Variants in DLG2 observed in about 807,000 individuals in gnomAD.
The protein encoded by DLG2 is disks large homolog 2.
DLG2 carries 45 observed loss-of-function variants against 132.5 expected under a neutral mutation model. The ratio of observed to expected loss-of-function variants is 0.34; its 90% CI spans 0.27 to 0.44. The LOEUF (loss-of-function observed/expected upper bound fraction) is 0.44, where lower values mean the gene tolerates loss of function less well. Among genes scored for constraint, DLG2 ranks in the 20% least tolerant of loss-of-function variants. The pLI, the probability that DLG2 is intolerant of heterozygous loss-of-function variation, is 1.00. For missense variants in DLG2, 1,045 were observed against 1,196.9 expected, an observed-to-expected ratio of 0.87 and a Z score of 1.87; for synonymous variants, 424 against 419.6, an observed-to-expected ratio of 1.01 and a Z score of -0.13.
At chr11:84,099,599 C>T (rs1199900956) in intron 9 of DLG2, among the ~76,000 whole-genome samples, 2 of 151,446 alleles carry the variant, frequency 1.3e-5, no homozygotes, top group African/African-American at 4.8e-5. Context: ...TACTTTTGAA[C>T]AATAAACAGG....
chr11:85,038,515 A>G (rs536414374), intron 6 of DLG2, among the ~76,000 whole-genome samples: 25 of 152,052 alleles, frequency 1.6e-4, no homozygotes, highest in Non-Finnish European at 3.1e-4. Context: ...AGAAGTGACA[A>G]TTAGGATTCA....
At chr11:83,931,314 C>G (rs2080171210) in intron 14 of DLG2, among the ~76,000 whole-genome samples, 2 of 152,154 alleles carry the variant, frequency 1.3e-5, no homozygotes, top group African/African-American at 4.8e-5. Flanking sequence ...ATCTAAACTG[C>G]CAGCACAGAA....
intron 8 of DLG2, among the ~76,000 whole-genome samples, chr11:84,178,607 T>C (rs772035585): frequency 5.3e-5 from 8 of 152,092 alleles, no homozygotes; most frequent in East Asian, 1.9e-4. Context: ...CACAAATCCA[T>C]TGGTGAAGGA....
intron 8 of DLG2, among the ~76,000 whole-genome samples, chr11:84,180,597 T>C (rs1178441773): frequency 6.6e-6 from 1 of 151,922 alleles, no homozygotes; most frequent in Non-Finnish European, 1.5e-5. Context: ...ATCCTCCTAC[T>C]CCCAATAACT....
chr11:85,045,677 C>G (rs1256208870), intron 6 of DLG2, among the ~76,000 whole-genome samples: 1 of 151,804 alleles, frequency 6.6e-6, no homozygotes, highest in Non-Finnish European at 1.5e-5. Context: ...TTTAAAAGAC[C>G]AAGTTTTCAA....
chr11:84,626,078 G>C (rs1238386855), intron 6 of DLG2, among the ~76,000 whole-genome samples: 1 of 152,178 alleles, frequency 6.6e-6, no homozygotes, highest in Non-Finnish European at 1.5e-5. Context: ...TTTGAGACTA[G>C]TTCGGGTGAT....
chr11:83,863,300 A>C (rs1303895429), intron 16 of DLG2, among the ~76,000 whole-genome samples: 1 of 152,154 alleles, frequency 6.6e-6, no homozygotes, highest in Non-Finnish European at 1.5e-5. Context: ...CTCTGCTCTG[A>C]AGAAATCAGT....
chr11:84,814,631 T>A (rs2076913398), intron 6 of DLG2, among the ~76,000 whole-genome samples: 1 of 152,078 alleles, frequency 6.6e-6, no homozygotes, highest in South Asian at 2.1e-4. Flanking sequence ...GCTTCTCATC[T>A]CTGAATAGAT....
intron 3 of DLG2, among the ~76,000 whole-genome samples, chr11:85,589,018 G>T (rs181739982): frequency 6.6e-6 from 1 of 152,120 alleles, no homozygotes; most frequent in Admixed American, 6.5e-5. Context: ...CCTGTGATGC[G>T]ATCCACCTTC....
chr11:85,179,696 A>G (rs1162851689), intron 4 of DLG2, among the ~76,000 whole-genome samples: 2 of 151,842 alleles, frequency 1.3e-5, no homozygotes, highest in Non-Finnish European at 3.0e-5. Flanking sequence ...TGGTCAATGA[A>G]CAATGTCCTT....
chr11:85,603,705 C>T (rs775567988), intron 2 of DLG2, among the ~76,000 whole-genome samples: 3 of 151,902 alleles, frequency 2.0e-5, no homozygotes, highest in African/African-American at 4.8e-5. Flanking sequence ...GGCTTGAGAC[C>T]GGGAGTTCGA....
intron 15 of DLG2, among the ~76,000 whole-genome samples, chr11:83,926,757 G>A (rs1021522761): frequency 2.0e-5 from 3 of 152,022 alleles, no homozygotes; most frequent in African/African-American, 4.8e-5. Context: ...ATCTACTTCC[G>A]AGGGTCTATA....
At chr11:84,203,875 T>C (rs918119651) in intron 8 of DLG2, among the ~76,000 whole-genome samples, 22 of 152,206 alleles carry the variant, frequency 1.4e-4, no homozygotes, top group Admixed American at 1.0e-3. Context: ...CAAACCACCA[T>C]GGCACACATC....
chr11:85,210,640 G>A lies in DLG2; in HGVS notation c.187-55989C>T, dbSNP rs545293777. Among the ~76,000 whole-genome samples the A allele has an allele frequency of 1.4e-4, 22 of 152,008 alleles. 1 individual carries two copies. In the South Asian group the frequency reaches 4.6e-3, roughly 32 times the overall value. ...AGCAAATTGACTGACAGTCCCAACTGTCTGTATTCACCTCTGCATGCTCTG... is the reference window on the plus strand; with the variant it reads ...AGCAAATTGACTGACAGTCCCAACTATCTGTATTCACCTCTGCATGCTCTG... On this transcript the variant is annotated intron_variant, in intron 4 of 27. Coordinates refer to ENST00000376104, the MANE Select transcript of DLG2 (RefSeq NM_001142699.3).
At chr11:85,536,214 CAAAAAAAAAA>C (rs527811605) in intron 3 of DLG2, among the ~76,000 whole-genome samples, 11 of 57,518 alleles carry the variant, frequency 1.9e-4, no homozygotes, top group Non-Finnish European at 6.8e-5. Context: ...GACCCTGTCT[CAAAAAAAAAA>C]AAAAAAAAAA....
chr11:84,821,586 A>G (rs2077680066), intron 6 of DLG2, among the ~76,000 whole-genome samples: 3 of 149,306 alleles, frequency 2.0e-5, no homozygotes, highest in African/African-American at 7.4e-5. Flanking sequence ...GGCCAGATTT[A>G]GCTCCTATGT....
At chr11:85,609,628 G>A (rs540360360) in intron 2 of DLG2, among the ~76,000 whole-genome samples, 2 of 152,232 alleles carry the variant, frequency 1.3e-5, no homozygotes, top group Admixed American at 6.5e-5. Flanking sequence ...CTGCCACAGA[G>A]TGCAGAGGTT....
chr11:84,034,604 G>C (rs2095809857), intron 11 of DLG2, among the ~76,000 whole-genome samples: 1 of 152,076 alleles, frequency 6.6e-6, no homozygotes, highest in South Asian at 2.1e-4. Context: ...ATATGATTTA[G>C]AATGGATGAG....
intron 7 of DLG2, among the ~76,000 whole-genome samples, chr11:84,397,904 C>A (rs1474470155): frequency 6.6e-6 from 1 of 152,162 alleles, no homozygotes; most frequent in African/African-American, 2.4e-5. Context: ...AGGCTTTTGT[C>A]AGTCTGTGGA....
Sources: allele counts gnomAD v4.1 joint callset (sites outside exome capture counted in the v4.1 genomes callset), GRCh38; gene constraint gnomAD v4.1.1; transcripts MANE v1.5; gene names NCBI Gene and HGNC (gene_info 2026-07-23, HGNC 2026-07-21).